COPB1: variants seen among roughly 807,000 people sequenced by gnomAD.
COPB1 encodes the protein coatomer subunit beta.
A neutral mutation model predicts 108.7 loss-of-function variants in COPB1; 21 were observed. The observed-to-expected ratio is 0.19, with a 90% CI of 0.14 to 0.28. COPB1 has a LOEUF of 0.28. Ranked by LOEUF, COPB1 falls within the 10% of genes least tolerant of loss-of-function variation. The pLI, the probability that COPB1 is intolerant of heterozygous loss-of-function variation, is 1.00. For synonymous variants in COPB1, 378 were observed against 386.8 expected (o/e 0.98, Z 0.27); for missense variants, 919 against 1,141.3 (o/e 0.81, Z 2.81).
At chr11:14,458,947 T>G (rs1364747446) in intron 20 of COPB1, among the ~76,000 whole-genome samples, 1 of 152,170 alleles carries the variant, frequency 6.6e-6, no homozygotes, top group Non-Finnish European at 1.5e-5. Flanking sequence ...TTTGTAATTT[T>G]AGTAGAGACA....
chr11:14,474,651 T>C (rs907731621), intron 13 of COPB1, 36 bp from the exon 14 acceptor site: 1 of 1,609,980 alleles, frequency 6.2e-7, no homozygotes, highest in Non-Finnish European at 8.5e-7. Context: ...ACCCACCAAC[T>C]TGCTAAGCAG....
At chr11:14,497,529 G>C (rs555148642) in intron 2 of COPB1, among the ~76,000 whole-genome samples, 2 of 152,196 alleles carry the variant, frequency 1.3e-5, no homozygotes, top group East Asian at 3.9e-4. Context: ...TTATCCAAAA[G>C]ACAAGCAAAA....
chr11:14,498,768 A>G, intron 2 of COPB1, 70 bp downstream of exon 2: 1 of 1,231,278 alleles, frequency 8.1e-7, no homozygotes, highest in South Asian at 1.4e-5. Context: ...ATAAAGGAAT[A>G]TGAAATATGA....
chr11:14,488,717 G>A, intron 5 of COPB1, 133 bp from the exon 6 acceptor site: 4 of 422,212 alleles, frequency 9.5e-6, no homozygotes, highest in South Asian at 8.2e-5. Context: ...AAATTAACTG[G>A]GAAAAAAATC....
chr11:14,493,595 A>C lies in COPB1; in HGVS notation c.491+47T>G, dbSNP rs572704136. The C allele has an allele frequency of 1.7e-4, 253 of 1,501,474 alleles. 4 individuals are homozygous for C. In the South Asian group the frequency reaches 3.5e-3, roughly 21 times the overall value. The allele number at this position is 1,501,474 out of a possible 1,614,324, so 93.0% of individuals were successfully genotyped here. ...CACTTTGGAACCACTAGTCTAAAAGACTAAACAGTACTCACAGAATGAAGC... is the reference window on the plus strand; with the variant it reads ...CACTTTGGAACCACTAGTCTAAAAGCCTAAACAGTACTCACAGAATGAAGC... On this transcript the variant is annotated intron_variant, in intron 4 of 21. Transcript: ENST00000439561.
chr11:14,477,065 G>A, intron 11 of COPB1, 50 bp from the exon 12 acceptor site: 1 of 1,213,656 alleles, frequency 8.2e-7, no homozygotes. Flanking sequence ...AAATCTTGAA[G>A]CAGAGATCTT....
chr11:14,460,478 T>C (rs936753786), intron 19 of COPB1, among the ~76,000 whole-genome samples, 181 bp from the exon 20 acceptor site: 9 of 151,978 alleles, frequency 5.9e-5, no homozygotes, highest in Admixed American at 2.0e-4. Flanking sequence ...TACTTCCCAA[T>C]AGAGATAACT....
intron 11 of COPB1, among the ~76,000 whole-genome samples, chr11:14,478,726 A>G (rs749343363): frequency 6.6e-6 from 1 of 152,018 alleles, no homozygotes; most frequent in Non-Finnish European, 1.5e-5. Flanking sequence ...TGCTGGGAAT[A>G]CAAGTGTGAG....
At chr11:14,463,740 T>G (rs780636631) in intron 18 of COPB1, among the ~76,000 whole-genome samples, 1 of 152,248 alleles carries the variant, frequency 6.6e-6, no homozygotes, top group African/African-American at 2.4e-5. Flanking sequence ...CTCTAAAGTT[T>G]GTTCTTCTCT....
At chr11:14,490,065 A>C (rs1850861050) in intron 5 of COPB1, among the ~76,000 whole-genome samples, 1 of 152,194 alleles carries the variant, frequency 6.6e-6, no homozygotes. Context: ...AGATGGCATC[A>C]AGGTGTACAG....
At chr11:14,480,683 G>T in intron 10 of COPB1, 76 bp downstream of exon 10, 1 of 1,393,540 alleles carries the variant, frequency 7.2e-7, no homozygotes, top group South Asian at 1.3e-5. Flanking sequence ...GAGATTTCTG[G>T]AGTTTGTCAA....
chr11:14,495,445 C>G (rs989408624), intron 2 of COPB1, among the ~76,000 whole-genome samples: 11 of 152,214 alleles, frequency 7.2e-5, no homozygotes, highest in Non-Finnish European at 1.6e-4. Flanking sequence ...ATGATTAGAG[C>G]TAAGCGGCTA....
chr11:14,494,259 T>C lies in COPB1; in HGVS notation c.272A>G (p.Asp91Gly), dbSNP rs1850969329. 1.2e-6 allele frequency: 2 copies of C among 1,613,782 alleles called. No individual in the cohort carries two copies. The highest frequency in any genetic ancestry group is 1.7e-6 in the Non-Finnish European group (2 of 1,179,838). Residue 91 changes from aspartate (D) to glycine (G), a missense_variant, in exon 3 of 22, where the codon GAT becomes GGT. By Grantham distance (94) the Asp-to-Gly change is moderately conservative (BLOSUM62 -1). This residue lies in a region of COPB1 where 92 missense variants were observed against 108.4 expected (regional missense o/e 0.85). Transcript: ENST00000439561. Reference protein sequence around the residue: ...FWEIVPKTTPDGRLLHEMILV... With the variant: ...FWEIVPKTTPGGRLLHEMILV... Reference sequence around the variant, plus strand: ...GATCATCTCATGTAAAAGTCTCCCATCTGGAGTTGTTTTAGGAACAATTTC... The same window carrying C: ...GATCATCTCATGTAAAAGTCTCCCACCTGGAGTTGTTTTAGGAACAATTTC...
intron 14 of COPB1, among the ~76,000 whole-genome samples, chr11:14,473,579 C>CAGTTGGTGGAGCAGTA (rs1554963578): frequency 2.6e-3 from 46 of 17,824 alleles, no homozygotes; most frequent in African/African-American, 0.011. Flanking sequence ...GGGTAACAGC[C>CAGTTGGTGGAGCAGTA]GGAACACACA....
chr11:14,468,039 T>C (rs1435974324), intron 16 of COPB1, among the ~76,000 whole-genome samples: 1 of 152,190 alleles, frequency 6.6e-6, no homozygotes, highest in African/African-American at 2.4e-5. Flanking sequence ...ATGGCAAATC[T>C]TTTGCAACTT....
chr11:14,485,934 A>G (rs1850761874), intron 7 of COPB1, among the ~76,000 whole-genome samples: 1 of 152,210 alleles, frequency 6.6e-6, no homozygotes, highest in Admixed American at 6.5e-5. Context: ...AATGTTAAGA[A>G]AAGCATAAGG....
At chr11:14,483,227 ACCAC>A in intron 7 of COPB1, 76 bp from the exon 8 acceptor site, 2 of 756,098 alleles carry the variant, frequency 2.6e-6, no homozygotes, top group East Asian at 3.1e-5. Flanking sequence ...GCGCGCGCAC[ACCAC>A]ACACACACAC....
At chr11:14,479,541 CT>C in intron 11 of COPB1, 27 bp downstream of exon 11, 1 of 1,576,670 alleles carries the variant, frequency 6.3e-7, no homozygotes, top group South Asian at 1.2e-5. Context: ...CTTACTTGAC[CT>C]TACATTTAAA....
At chr11:14,487,695 A>C (rs1211587975) in intron 6 of COPB1, among the ~76,000 whole-genome samples, 1 of 151,670 alleles carries the variant, frequency 6.6e-6, no homozygotes, top group East Asian at 1.9e-4. Context: ...AAAACAACAA[A>C]AAAAAAACAA....
Sources: allele counts gnomAD v4.1 joint callset (sites outside exome capture counted in the v4.1 genomes callset), GRCh38; gene constraint gnomAD v4.1.1; regional missense constraint gnomAD v4.1.1; transcripts MANE v1.5; gene names NCBI Gene and HGNC (gene_info 2026-07-23, HGNC 2026-07-21).